The following S100A16 variants were observed in gnomAD, a reference collection of about 807,000 sequenced individuals.
S100A16 encodes protein S100-A16.
In S100A16, 8 loss-of-function variants were observed where a neutral mutation model predicts 9.0. The observed-to-expected ratio is 0.89, with a 90% CI of 0.52 to 1.60. The LOEUF is 1.60. Among genes scored for constraint, S100A16 ranks in the 40% most tolerant of loss-of-function variants. The probability of loss-of-function intolerance (pLI) is 0.00; values close to 1 mark genes in which losing one functional copy is unlikely to be tolerated. For missense variants in S100A16, 138 were observed against 132.4 expected (o/e 1.04, Z -0.21); for synonymous variants, 51 against 51.4 (o/e 0.99, Z 0.04).
chr1:153,607,117 TGC>T lies in S100A16; in HGVS notation c.*415_*416del. On this transcript the variant is annotated 3_prime_UTR_variant, in exon 3 of 3. Transcript: ENST00000368706. The stretch of plus-strand genomic sequence containing the variant: ...TCTCTGCTGCTGCTGCTGCTGCTGC[TGC>T]TGCTGTTGCTGCTACCACTGCCACC... 4.4e-6 allele frequency: 2 copies of T among 454,742 alleles called. No individual in the cohort carries two copies. Among genetic ancestry groups the T allele is most frequent in the Non-Finnish European group, 8.8e-6 (2 of 226,694 alleles). 28.2% of individuals were successfully genotyped at this position (454,742 alleles called of 1,614,324 possible).
In S100A16 at chr1:153,611,917, TCACACA is replaced by T. The variant is rs55729519; in HGVS notation, c.-27+1029_-27+1034del. Among the ~76,000 whole-genome samples, 719 of 140,898 alleles carry T rather than the reference TCACACA, an allele frequency of 5.1e-3. 8 individuals carry two copies. The highest frequency in any genetic ancestry group is 0.018 in the African/African-American group (675 of 38,022). 92.4% of individuals were successfully genotyped at this position (140,898 alleles called of 152,430 possible). On this transcript the variant is annotated intron_variant, in intron 1 of 2. Transcript: ENST00000368706. The stretch of plus-strand genomic sequence containing the variant: ...GCGTCTAACTCTCTTTGTCTCTCTC[TCACACA>T]CACACACACACACACACACACACAC...
intron 1 of S100A16, chr1:153,609,020 G>C: frequency 1.0e-6 from 1 of 985,742 alleles, no homozygotes; most frequent in South Asian, 4.7e-5. Flanking sequence ...TTTCTAAGCG[G>C]ATACAGCCTT....
intron 1 of S100A16, among the ~76,000 whole-genome samples, chr1:153,608,627 T>A (rs1666759797): frequency 1.3e-5 from 2 of 151,500 alleles, no homozygotes; most frequent in Non-Finnish European, 2.9e-5. Context: ...TGCCTCCCAC[T>A]CCCAGGACTG....
In S100A16 at chr1:153,608,084, A is replaced by C; in HGVS notation, c.68T>G (p.Val23Gly). The change falls in exon 2 of 3, where the codon GTG (valine) becomes GGG (glycine). Residue 23 changes from valine to glycine, a missense_variant. Transcript: ENST00000368706. ...IVLVENFYKY[V>G]SKYSLVKNKI... is the part of the protein sequence containing the mutation. ...GTTCTTGACCAGGCTGTACTTAGACACATATTTGTAGAAGTTTTCCACCAG... is the reference window on the plus strand; with the variant it reads ...GTTCTTGACCAGGCTGTACTTAGACCCATATTTGTAGAAGTTTTCCACCAG... 1 of 1,614,066 alleles carries C rather than the reference A, an allele frequency of 6.2e-7. No homozygotes were observed. Among genetic ancestry groups the C allele is most frequent in the South Asian group, 1.1e-5 (1 of 91,082 alleles).
chr1:153,612,274 G>T (rs1666854642), intron 1 of S100A16, among the ~76,000 whole-genome samples: 1 of 152,174 alleles, frequency 6.6e-6, no homozygotes. Flanking sequence ...TCAAGCCGGG[G>T]CCTGCCTGGG....
intron 1 of S100A16, among the ~76,000 whole-genome samples, chr1:153,611,480 T>C (rs1041755677): frequency 5.9e-5 from 9 of 152,048 alleles, no homozygotes; most frequent in African/African-American, 2.2e-4. Flanking sequence ...AGCCTAAGTA[T>C]GGATTCTCTG....
Position 153,608,176 on chromosome 1 carries a change from G to GC in S100A16, c.-26dup, listed in dbSNP as rs36010309. The GC allele has an allele frequency of 3.1e-6, 5 of 1,610,634 alleles. No individual in the cohort carries two copies. In the South Asian group the frequency reaches 5.5e-5, roughly 18 times the overall value. ...TCTCCCTGCTTCGCCTGCTGGCGGG[G>GC]CCTGGACACCAGGAGGAGGGGAGAT... On this transcript the variant is annotated splice_region_variant and 5_prime_UTR_variant, in exon 2 of 3. Coordinates refer to ENST00000368706, the MANE Select transcript of S100A16 (RefSeq NM_080388.3).
rs935562066 is a variant in S100A16, at chr1:153,607,705, C to G, written c.154-13G>C. The G allele has an allele frequency of 5.0e-6, 8 of 1,614,052 alleles. No individual in the cohort carries two copies. The highest frequency in any genetic ancestry group is 1.3e-5 in the African/African-American group (1 of 75,042). On this transcript the variant is annotated splice_polypyrimidine_tract_variant and intron_variant, in intron 2 of 2. Coordinates refer to ENST00000368706, the MANE Select transcript of S100A16 (RefSeq NM_080388.3). ...GGTTCCCTGTGTCCTGGGGAGGAAG[C>G]AGGGTCAGCAATGCTGATGGTGGAA...
chr1:153,611,510 G>C (rs9699949), intron 1 of S100A16, among the ~76,000 whole-genome samples: 54,858 of 151,558 alleles, frequency 0.36, 12,112 homozygotes, highest in East Asian at 0.68. Context: ...CATCTACCTG[G>C]AATTCATTTG....
At chr1:153,609,588 C>G (rs1360098611) in intron 1 of S100A16, among the ~76,000 whole-genome samples, 1 of 152,172 alleles carries the variant, frequency 6.6e-6, no homozygotes, top group Non-Finnish European at 1.5e-5. Context: ...TTACACATGG[C>G]CAATGTATTT....
At chr1:153,609,067 G>C in intron 1 of S100A16, 2 of 985,754 alleles carry the variant, frequency 2.0e-6, no homozygotes, top group Non-Finnish European at 2.4e-6. Flanking sequence ...GGCGGATCTG[G>C]ATCTACTCTG....
At chr1:153,612,294 G>A (rs959296913) in intron 1 of S100A16, among the ~76,000 whole-genome samples, 1 of 152,132 alleles carries the variant, frequency 6.6e-6, no homozygotes, top group African/African-American at 2.4e-5. Context: ...GTCCTGAGGT[G>A]GAGGAGCTGC....
chr1:153,607,590 T>TGCC lies in S100A16; in HGVS notation c.253_255dup (p.Gly85dup). Reference sequence around the variant, plus strand: ...ATGAGTTTGGCGATGGGGCCGGTGATGCCGCCTATCAAGGTCCAGTACTCA... The same window carrying TGCC: ...ATGAGTTTGGCGATGGGGCCGGTGATGCCGCCGCCTATCAAGGTCCAGTACTCA... On this transcript the variant is annotated inframe_insertion, in exon 3 of 3. Transcript: ENST00000368706. 1.9e-6 allele frequency: 3 copies of TGCC among 1,614,198 alleles called. No individual in the cohort carries two copies. Among genetic ancestry groups the TGCC allele is most frequent in the Non-Finnish European group, 8.5e-7 (1 of 1,180,010 alleles).
rs1181179563 is a variant in S100A16, at chr1:153,606,984, G to A, written c.*550C>T. The stretch of plus-strand genomic sequence containing the variant: ...ATATCATCATTATTTCAAGCAACAG[G>A]AGGAGGCTCAGCCTTGCTTAGCTCA... On this transcript the variant is annotated 3_prime_UTR_variant, in exon 3 of 3. Transcript: ENST00000368706. The A allele has an allele frequency of 3.5e-5, 9 of 258,196 alleles. No individual in the cohort carries two copies. Among genetic ancestry groups the A allele is most frequent in the Non-Finnish European group, 5.5e-5 (7 of 127,020 alleles). The allele number at this position is 258,196 out of a possible 1,614,324, so 16.0% of individuals were successfully genotyped here. A position where few individuals can be genotyped will look rare whatever the true frequency, so the allele number is the denominator to read the frequency against.
Position 153,608,186 on chromosome 1 carries a change from CAGG to C in S100A16, c.-26-12_-26-10del. 6.2e-7 allele frequency: 1 copy of C among 1,608,872 alleles called. No homozygotes were observed. The highest frequency in any genetic ancestry group is 8.5e-7 in the Non-Finnish European group (1 of 1,179,326). ...TCGCCTGCTGGCGGGGCCTGGACACCAGGAGGAGGGGAGATGAGAAGAGACACC... is the reference window on the plus strand; with the variant it reads ...TCGCCTGCTGGCGGGGCCTGGACACCAGGAGGGGAGATGAGAAGAGACACC... On this transcript the variant is annotated splice_polypyrimidine_tract_variant and intron_variant, in intron 1 of 2. Coordinates refer to ENST00000368706, the MANE Select transcript of S100A16 (RefSeq NM_080388.3).
At chr1:153,612,655 G>T (rs954391254) in intron 1 of S100A16, among the ~76,000 whole-genome samples, 6 of 152,066 alleles carry the variant, frequency 3.9e-5, no homozygotes, top group Non-Finnish European at 8.8e-5. Flanking sequence ...AGTAGCTGTG[G>T]TCAAAGCTTC....
chr1:153,609,610 C>T (rs1442987785), intron 1 of S100A16, among the ~76,000 whole-genome samples: 3 of 152,160 alleles, frequency 2.0e-5, no homozygotes, highest in African/African-American at 4.8e-5. Flanking sequence ...CTGAACCAAG[C>T]GGCGGGACTC....
intron 1 of S100A16, among the ~76,000 whole-genome samples, chr1:153,609,568 A>T (rs1196005168): frequency 6.6e-6 from 1 of 152,180 alleles, no homozygotes; most frequent in Non-Finnish European, 1.5e-5. Flanking sequence ...TGAGACAAGC[A>T]TAGTTTTTCT....
Position 153,609,351 on chromosome 1 carries a change from C to T in S100A16, c.-26-1174G>A, listed in dbSNP as rs532031334. On this transcript the variant is annotated intron_variant, in intron 1 of 2. Transcript: ENST00000368706. The stretch of plus-strand genomic sequence containing the variant: ...CTTGTGGCCATTCCTACTCCCATGC[C>T]GGCTGCCCTGCCCTCTCCAGCCAGC... The T allele has an allele frequency of 2.2e-5, 22 of 986,164 alleles. No individual in the cohort carries two copies. The East Asian group carries it at 5.7e-4, about 25-fold the overall frequency. 61.1% of individuals were successfully genotyped at this position (986,164 alleles called of 1,614,324 possible). A position where few individuals can be genotyped will look rare whatever the true frequency, so the allele number is the denominator to read the frequency against.
Sources: gnomAD v4.1 joint callset for allele counts (sites outside exome capture counted in the v4.1 genomes callset) on GRCh38, gnomAD v4.1.1 for gene constraint, MANE v1.5 for transcripts, NCBI Gene and HGNC (gene_info 2026-07-23, HGNC 2026-07-21) for gene names.